The following GNB1 variants were observed in gnomAD, a reference collection of about 807,000 sequenced individuals.
GNB1 encodes G protein subunit beta 1, also known as guanine nucleotide-binding protein G(I)/G(S)/G(T) subunit beta-1.
In GNB1, 2 loss-of-function variants were observed where a neutral mutation model predicts 42.9. That is an observed-to-expected ratio of 0.05 (90% CI 0.02 to 0.15). The LOEUF is 0.15. Ranked by LOEUF, GNB1 falls within the 10% of genes least tolerant of loss-of-function variation. The pLI, the probability that GNB1 is intolerant of heterozygous loss-of-function variation, is 1.00. For synonymous variants in GNB1, 183 were observed against 174.7 expected, an observed-to-expected ratio of 1.05 and a Z score of -0.38; for missense variants, 193 against 462.2, an observed-to-expected ratio of 0.42 and a Z score of 5.34.
chr1:1,881,294 G>T (rs767919273), intron 1 of GNB1, among the ~76,000 whole-genome samples: 3 of 152,066 alleles, frequency 2.0e-5, no homozygotes, highest in Non-Finnish European at 4.4e-5. Flanking sequence ...CAGCAGCTTT[G>T]CCAACTGACT....
intron 3 of GNB1, among the ~76,000 whole-genome samples, chr1:1,823,455 T>G (rs1208025540): frequency 6.6e-6 from 1 of 152,062 alleles, no homozygotes; most frequent in African/African-American, 2.4e-5. Context: ...TCAGGCAAAA[T>G]TTGAATACCT....
intron 1 of GNB1, among the ~76,000 whole-genome samples, chr1:1,881,786 G>A (rs1395050686): frequency 6.6e-6 from 1 of 152,184 alleles, no homozygotes; most frequent in Admixed American, 6.5e-5. Flanking sequence ...TTCCGTCCCT[G>A]GATGTGCTGT....
chr1:1,890,004 C>T (rs1650387479), intron 1 of GNB1, among the ~76,000 whole-genome samples: 1 of 152,132 alleles, frequency 6.6e-6, no homozygotes. Context: ...CCCCGAAACT[C>T]GGCGCGGCGG....
intron 1 of GNB1, among the ~76,000 whole-genome samples, chr1:1,885,699 G>A (rs1223950683): frequency 1.3e-5 from 2 of 150,566 alleles, no homozygotes; most frequent in Non-Finnish European, 3.0e-5. Context: ...TGGGACTACA[G>A]GCGCCCGCCA....
At chr1:1,872,544 C>T (rs543859086) in intron 1 of GNB1, among the ~76,000 whole-genome samples, 28 of 152,308 alleles carry the variant, frequency 1.8e-4, no homozygotes, top group African/African-American at 5.8e-4. Flanking sequence ...GAGCTTCACC[C>T]GCTGTCCCTT....
intron 1 of GNB1, among the ~76,000 whole-genome samples, chr1:1,882,691 G>T (rs1649919381): frequency 6.6e-6 from 1 of 152,312 alleles, no homozygotes; most frequent in East Asian, 1.9e-4. Flanking sequence ...GGGAGGCCGA[G>T]GCAGGCAGAT....
At chr1:1,841,112 G>T (rs1028965222) in intron 1 of GNB1, among the ~76,000 whole-genome samples, 2 of 151,988 alleles carry the variant, frequency 1.3e-5, no homozygotes, top group East Asian at 1.9e-4. Context: ...GTATGGTCTC[G>T]ATCTCCTGAC....
At chr1:1,818,920 A>AT (rs1223931955) in intron 3 of GNB1, among the ~76,000 whole-genome samples, 20 of 152,192 alleles carry the variant, frequency 1.3e-4, no homozygotes, top group Admixed American at 9.2e-4. Context: ...AAATAAATAA[A>AT]TTCTATGGAA....
chr1:1,819,013 C>G (rs778750572), intron 3 of GNB1, among the ~76,000 whole-genome samples: 16 of 152,106 alleles, frequency 1.1e-4, no homozygotes, highest in Non-Finnish European at 1.6e-4. Flanking sequence ...AAATGACCTG[C>G]GGCTGCAGGT....
chr1:1,883,146 C>T (rs941944637), intron 1 of GNB1, among the ~76,000 whole-genome samples: 1 of 151,658 alleles, frequency 6.6e-6, no homozygotes, highest in Admixed American at 6.6e-5. Context: ...GTGGCATGTG[C>T]CCGTGGTCCT....
In GNB1 at chr1:1,787,608, A is replaced by G. The variant is rs1646423439; in HGVS notation, c.917-171T>C. Reference sequence around the variant, plus strand: ...TCCACGTGGGGAATTAACCTGCAGCATATGGCCAGCCTTGTTAAAATTCAA... The same window carrying G: ...TCCACGTGGGGAATTAACCTGCAGCGTATGGCCAGCCTTGTTAAAATTCAA... On this transcript the variant is annotated intron_variant, in intron 10 of 11. Coordinates refer to ENST00000378609, the MANE Select transcript of GNB1 (RefSeq NM_002074.5). This position sits in a 1 kb window ranked among gnomAD's most constrained non-coding sequence, Gnocchi z 4.4. Among the ~76,000 whole-genome samples, 1 of 152,222 alleles carries G rather than the reference A, an allele frequency of 6.6e-6. No individual in the cohort carries two copies. Among genetic ancestry groups the G allele is most frequent in the African/African-American group, 2.4e-5 (1 of 41,466 alleles).
At chr1:1,840,325 G>A (rs913977779) in intron 1 of GNB1, among the ~76,000 whole-genome samples, 5 of 151,736 alleles carry the variant, frequency 3.3e-5, no homozygotes, top group African/African-American at 1.2e-4. Flanking sequence ...TAAAGAGTTC[G>A]AGACCAGCCT....
chr1:1,865,177 G>A (rs6698147), intron 1 of GNB1, among the ~76,000 whole-genome samples: 31,702 of 150,190 alleles, frequency 0.21, 4,180 homozygotes, highest in Non-Finnish European at 0.3. Flanking sequence ...CAGGAGAATG[G>A]CATGAACCCG....
At chr1:1,848,880 T>A (rs1437841197) in intron 1 of GNB1, among the ~76,000 whole-genome samples, 4 of 152,240 alleles carry the variant, frequency 2.6e-5, no homozygotes, top group Non-Finnish European at 4.4e-5. Flanking sequence ...AGACTCCTTC[T>A]GGGTCTTTGT....
intron 1 of GNB1, among the ~76,000 whole-genome samples, chr1:1,868,767 G>A (rs1280908004): frequency 1.3e-5 from 2 of 149,862 alleles, no homozygotes; most frequent in Non-Finnish European, 1.5e-5. Context: ...GTGACAGAGT[G>A]AGACTCCATC....
intron 2 of GNB1, among the ~76,000 whole-genome samples, chr1:1,838,139 G>T (rs999828333): frequency 6.6e-6 from 1 of 152,008 alleles, no homozygotes; most frequent in African/African-American, 2.4e-5. Context: ...GGAGGGGGAG[G>T]TTGCAGAGAG....
chr1:1,889,941 C>T (rs562026982), intron 1 of GNB1, among the ~76,000 whole-genome samples: 3 of 151,510 alleles, frequency 2.0e-5, no homozygotes, highest in Non-Finnish European at 4.4e-5. Flanking sequence ...AGCCTTTGTG[C>T]TATTTCCTGT....
intron 1 of GNB1, among the ~76,000 whole-genome samples, chr1:1,851,052 A>G (rs1055817342): frequency 1.3e-5 from 2 of 151,740 alleles, no homozygotes; most frequent in African/African-American, 4.8e-5. Context: ...GGCGGATCAC[A>G]AGGTCAGGAG....
chr1:1,812,105 A>G (rs1428634159), intron 5 of GNB1, among the ~76,000 whole-genome samples: 2 of 152,128 alleles, frequency 1.3e-5, no homozygotes, highest in African/African-American at 4.8e-5. Flanking sequence ...CATAAATTAT[A>G]GCTTTAAGTC....
Sources: allele counts gnomAD v4.1 joint callset (sites outside exome capture counted in the v4.1 genomes callset), GRCh38; gene constraint gnomAD v4.1.1; non-coding constraint Gnocchi (gnomAD v3.1); transcripts MANE v1.5; gene names NCBI Gene and HGNC (gene_info 2026-07-23, HGNC 2026-07-21).